The following PPFIBP1 variants were observed in gnomAD, a reference collection of about 807,000 sequenced individuals.
The protein encoded by PPFIBP1 is liprin-beta-1.
In PPFIBP1, 112 loss-of-function variants were observed where a neutral mutation model predicts 137.8. The observed-to-expected ratio is 0.81, with a 90% CI of 0.70 to 0.95. PPFIBP1 has a LOEUF of 0.95. Among genes scored for constraint, PPFIBP1 ranks in the 40% least tolerant of loss-of-function variants. The pLI, the probability that PPFIBP1 is intolerant of heterozygous loss-of-function variation, is 0.00. For missense variants in PPFIBP1, 1,083 were observed against 1,196.6 expected, an observed-to-expected ratio of 0.91 and a Z score of 1.40; for synonymous variants, 378 against 417.3, an observed-to-expected ratio of 0.91 and a Z score of 1.15.
At chr12:27,581,564 G>A (rs2051120990) in intron 2 of PPFIBP1, among the ~76,000 whole-genome samples, 1 of 152,236 alleles carries the variant, frequency 6.6e-6, no homozygotes, top group African/African-American at 2.4e-5. Flanking sequence ...AGCATCTACT[G>A]TGGATTTGTC....
At chr12:27,688,617 C>A (rs1466734936) in intron 26 of PPFIBP1, among the ~76,000 whole-genome samples, 194 bp downstream of exon 26, 1 of 152,174 alleles carries the variant, frequency 6.6e-6, no homozygotes, top group Non-Finnish European at 1.5e-5. Flanking sequence ...AAAGCCAGTT[C>A]TCTTTTATTG....
intron 1 of PPFIBP1, among the ~76,000 whole-genome samples, chr12:27,546,553 C>T (rs1946258923): frequency 6.6e-6 from 1 of 152,084 alleles, no homozygotes; most frequent in Non-Finnish European, 1.5e-5. Flanking sequence ...AGGTAGTTCC[C>T]TTGAAGTTTT....
intron 1 of PPFIBP1, among the ~76,000 whole-genome samples, chr12:27,539,217 A>C (rs558384501): frequency 6.6e-6 from 1 of 152,356 alleles, no homozygotes; most frequent in African/African-American, 2.4e-5. Flanking sequence ...CAAAAGGCTT[A>C]ATTTCATCAG....
intron 1 of PPFIBP1, chr12:27,546,967 A>G (rs1370919987): frequency 6.6e-6 from 1 of 152,244 alleles, no homozygotes; most frequent in Non-Finnish European, 1.5e-5. Flanking sequence ...GCACCACTGT[A>G]CTCCAGCCTG....
At chr12:27,542,972 A>T (rs940217599) in intron 1 of PPFIBP1, among the ~76,000 whole-genome samples, 1 of 152,232 alleles carries the variant, frequency 6.6e-6, no homozygotes, top group African/African-American at 2.4e-5. Flanking sequence ...CCAGAGCAAC[A>T]TTAAAAAAGA....
Position 27,688,409 on chromosome 12 carries a change from C to T in PPFIBP1, c.2482C>T (p.His828Tyr). 1 of 1,614,004 alleles carries T rather than the reference C, an allele frequency of 6.2e-7. No homozygotes were observed. The highest frequency in any genetic ancestry group is 8.5e-7 in the Non-Finnish European group (1 of 1,179,984). Residue 828 changes from histidine (H) to tyrosine (Y), a missense_variant, in exon 26 of 30, where the codon CAT becomes TAT. Coordinates refer to ENST00000228425, the MANE Select transcript of PPFIBP1 (RefSeq NM_003622.4). The stretch of plus-strand genomic sequence containing the variant: ...GCCCAATCTCAGAGGCAGTGGTGTC[C>T]ATGGTGGGCTCATGGTAAAGCTCTG... ...YAPNLRGSGV[H>Y]GGLMVLEPRF...
chr12:27,647,177 T>C (rs545510257), intron 5 of PPFIBP1, among the ~76,000 whole-genome samples: 2 of 152,138 alleles, frequency 1.3e-5, no homozygotes, highest in South Asian at 4.2e-4. Flanking sequence ...AATTTTGTAT[T>C]TTTAGTAGAG....
intron 14 of PPFIBP1, 85 bp downstream of exon 14, chr12:27,671,631 C>A: frequency 1.2e-6 from 1 of 843,978 alleles, no homozygotes; most frequent in Non-Finnish European, 1.8e-6. Flanking sequence ...TATTTACAGA[C>A]ACAATTTTTA....
chr12:27,553,689 G>A (rs1947010070), intron 1 of PPFIBP1, among the ~76,000 whole-genome samples: 1 of 152,184 alleles, frequency 6.6e-6, no homozygotes, highest in Non-Finnish European at 1.5e-5. Flanking sequence ...ACTGCAGGGG[G>A]CACCATTCAT....
At chr12:27,679,428 A>G in intron 19 of PPFIBP1, 61 bp from the exon 20 acceptor site, 2 of 1,489,298 alleles carry the variant, frequency 1.3e-6, no homozygotes, top group South Asian at 1.3e-5. Context: ...AACCAAGAAG[A>G]TTAACATCAT....
intron 2 of PPFIBP1, among the ~76,000 whole-genome samples, chr12:27,612,311 A>G (rs1411353755): frequency 7.2e-6 from 1 of 139,074 alleles, no homozygotes; most frequent in African/African-American, 2.7e-5. Context: ...TGTATGCTCC[A>G]TCTGTACTTT....
At chr12:27,637,583 C>A (rs2346756) in intron 4 of PPFIBP1, among the ~76,000 whole-genome samples, 2 of 151,780 alleles carry the variant, frequency 1.3e-5, no homozygotes, top group Non-Finnish European at 2.9e-5. Flanking sequence ...ATATGAATTC[C>A]TCACCTTGCC....
intron 1 of PPFIBP1, among the ~76,000 whole-genome samples, chr12:27,558,467 T>TAC (rs10677887): frequency 0.043 from 5,563 of 129,066 alleles, 392 homozygotes; most frequent in African/African-American, 0.092. Flanking sequence ...CAGTATGTTA[T>TAC]ACACACACAC....
At chr12:27,651,596 C>T (rs1593144261) in intron 7 of PPFIBP1, among the ~76,000 whole-genome samples, 3 of 152,178 alleles carry the variant, frequency 2.0e-5, no homozygotes, top group South Asian at 4.1e-4. Flanking sequence ...ACCCCATAGT[C>T]GCAGGGTAAA....
intron 1 of PPFIBP1, among the ~76,000 whole-genome samples, chr12:27,567,853 AAACCCAAGAT>A (rs1466124776): frequency 6.6e-6 from 1 of 152,164 alleles, no homozygotes; most frequent in Non-Finnish European, 1.5e-5. Flanking sequence ...ACACTGATTG[AAACCCAAGAT>A]AAGTTTATAT....
intron 1 of PPFIBP1, among the ~76,000 whole-genome samples, chr12:27,541,725 A>G (rs116425526): frequency 0.021 from 3,141 of 152,270 alleles, 121 homozygotes; most frequent in African/African-American, 0.072. Flanking sequence ...CCCTTTCACT[A>G]GGGCTTTTAT....
rs573110510 is a variant in PPFIBP1 at position 27,688,421 on chromosome 12, A to G, written c.2494A>G (p.Met832Val). 5 of 1,613,510 alleles carry G rather than the reference A, an allele frequency of 3.1e-6. No individual in the cohort carries two copies. In the Admixed American group the frequency reaches 5.0e-5, roughly 16 times the overall value. ...LRGSGVHGGL[M>V]VLEPRFNVET... Reference sequence around the variant, plus strand: ...AGGCAGTGGTGTCCATGGTGGGCTCATGGTAAAGCTCTGATTTAATTTAAA... The same window carrying G: ...AGGCAGTGGTGTCCATGGTGGGCTCGTGGTAAAGCTCTGATTTAATTTAAA... The change falls in exon 26 of 30, where the codon ATG becomes GTG. Residue 832 changes from methionine (M) to valine (V), a missense_variant and splice_region_variant. Transcript: ENST00000228425.
In PPFIBP1 at chr12:27,529,538, A is replaced by G. The variant is rs139835607; in HGVS notation, c.-124+5173A>G. Among the ~76,000 whole-genome samples the G allele has an allele frequency of 3.7e-3, 566 of 152,338 alleles. 4 individuals are homozygous for G. Among genetic ancestry groups the G allele is most frequent in the Non-Finnish European group, 6.2e-3 (424 of 68,026 alleles). ...GCAAAACCCCGTCTCTACTAAAAAT[A>G]CAAAAATTGGCCGAATGTGGTGGCG... is the stretch of plus-strand genomic sequence containing the variant. On this transcript the variant is annotated intron_variant, in intron 1 of 29. Transcript: ENST00000228425.
In PPFIBP1 at chr12:27,693,591, C is replaced by G. The variant is rs1319423222; in HGVS notation, c.*709C>G. ...CTAAATTAATATATATGAAATATTC[C>G]TTTTTGATGACACCACAAAATTGTT... On this transcript the variant is annotated 3_prime_UTR_variant, in exon 30 of 30. Coordinates refer to ENST00000228425, the MANE Select transcript of PPFIBP1 (RefSeq NM_003622.4). 1 of 152,106 alleles carries G rather than the reference C, an allele frequency of 6.6e-6. No homozygotes were observed. Among genetic ancestry groups the G allele is most frequent in the African/African-American group, 2.4e-5 (1 of 41,402 alleles). 9.4% of individuals were successfully genotyped at this position (152,106 alleles called of 1,614,324 possible).
Sources: allele counts gnomAD v4.1 joint callset (sites outside exome capture counted in the v4.1 genomes callset), GRCh38; gene constraint gnomAD v4.1.1; transcripts MANE v1.5; gene names NCBI Gene and HGNC (gene_info 2026-07-23, HGNC 2026-07-21).